EEPD1: variants seen among roughly 807,000 people sequenced by gnomAD.
EEPD1 encodes the protein endonuclease/exonuclease/phosphatase family domain containing 1, also known as endonuclease/exonuclease/phosphatase family domain-containing protein 1.
In EEPD1, 17 loss-of-function variants were observed where a neutral mutation model predicts 46.3. The observed-to-expected ratio is 0.37, with a 90% CI of 0.25 to 0.55. EEPD1 has a LOEUF of 0.55. EEPD1 is among the 20% of genes least tolerant of loss of function. The pLI is 0.83. For missense variants in EEPD1, 673 were observed against 745.6 expected, an observed-to-expected ratio of 0.90 and a Z score of 1.13; for synonymous variants, 313 against 315.6, an observed-to-expected ratio of 0.99 and a Z score of 0.09.
chr7:36,229,328 G>A (rs1786279542), intron 2 of EEPD1: 2 of 152,192 alleles, frequency 1.3e-5, no homozygotes, highest in African/African-American at 2.4e-5. Flanking sequence ...TGCAAATGGT[G>A]ATTATACTCT....
chr7:36,163,607 C>T (rs914157081), intron 2 of EEPD1, among the ~76,000 whole-genome samples: 4 of 152,112 alleles, frequency 2.6e-5, no homozygotes, highest in Admixed American at 6.5e-5. Context: ...AGGCTGGGCG[C>T]GGTGGCTCAT....
chr7:36,157,632 A>T (rs1428148886), intron 2 of EEPD1, among the ~76,000 whole-genome samples: 1 of 152,000 alleles, frequency 6.6e-6, no homozygotes, highest in African/African-American at 2.4e-5. Flanking sequence ...TCACATTCTC[A>T]CTCTTGGCCA....
Position 36,297,136 on chromosome 7 carries a change from A to G in EEPD1, c.1459A>G (p.Lys487Glu). ...CAGCACCAAGAACCCTCAAGGCTCG[A>G]AGTCTCTGGACAACATCTGGATCAG... ...NISTKNPQGSKSLDNIWISKS... is the reference protein window; with the variant it reads ...NISTKNPQGSESLDNIWISKS... The change falls in exon 7 of 8, where the codon AAG becomes GAG. Residue 487 changes from lysine to glutamate, a missense_variant. Lys to Glu is a moderately conservative substitution (Grantham distance 56). Transcript: ENST00000242108. The G allele has an allele frequency of 6.2e-7, 1 of 1,614,222 alleles. No homozygotes were observed. Among genetic ancestry groups the G allele is most frequent in the East Asian group, 2.2e-5 (1 of 44,882 alleles).
chr7:36,298,062 T>C (rs1180977850), intron 7 of EEPD1, among the ~76,000 whole-genome samples: 1 of 152,148 alleles, frequency 6.6e-6, no homozygotes, highest in Admixed American at 6.6e-5. Flanking sequence ...GCTTCTCCCC[T>C]CTCTCTTGGG....
intron 2 of EEPD1, among the ~76,000 whole-genome samples, chr7:36,167,826 C>T (rs1785011668): frequency 6.6e-6 from 1 of 152,146 alleles, no homozygotes; most frequent in Non-Finnish European, 1.5e-5. Context: ...AGCGATTCTC[C>T]TGCCTCAGCC....
At chr7:36,155,570 TTTTG>T (rs1784813159) in intron 2 of EEPD1, among the ~76,000 whole-genome samples, 1 of 152,182 alleles carries the variant, frequency 6.6e-6, no homozygotes, top group Non-Finnish European at 1.5e-5. Flanking sequence ...GCTCATTGGA[TTTTG>T]TTTATTAATG....
intron 2 of EEPD1, among the ~76,000 whole-genome samples, chr7:36,196,557 G>A (rs1004713844): frequency 2.0e-5 from 3 of 152,224 alleles, no homozygotes; most frequent in Admixed American, 1.3e-4. Context: ...GATTGCAGGC[G>A]CGCGCCGCCA....
At chr7:36,184,761 C>T (rs953026032) in intron 2 of EEPD1, among the ~76,000 whole-genome samples, 1 of 152,022 alleles carries the variant, frequency 6.6e-6, no homozygotes, top group African/African-American at 2.4e-5. Flanking sequence ...GACAGGGTCT[C>T]GCTCTGTCAC....
At chr7:36,183,060 T>C (rs1785302358) in intron 2 of EEPD1, among the ~76,000 whole-genome samples, 2 of 152,172 alleles carry the variant, frequency 1.3e-5, no homozygotes, top group African/African-American at 4.8e-5. Context: ...TCAGGCAGGC[T>C]TCAGAGTGGA....
At chr7:36,172,990 A>G (rs1344650844) in intron 2 of EEPD1, among the ~76,000 whole-genome samples, 2 of 152,072 alleles carry the variant, frequency 1.3e-5, no homozygotes, top group Non-Finnish European at 2.9e-5. Flanking sequence ...TAGTATAGAA[A>G]CAGAATTGGA....
intron 4 of EEPD1, among the ~76,000 whole-genome samples, chr7:36,281,670 A>G (rs1309368824): frequency 6.6e-6 from 1 of 152,236 alleles, no homozygotes; most frequent in African/African-American, 2.4e-5. Flanking sequence ...TGAAATGTTC[A>G]GCAGATTTTG....
rs1386038442 is a variant in EEPD1 at position 36,284,754 on chromosome 7, G to A, written c.1110G>A (p.Gln370=). 6.2e-7 allele frequency: 1 copy of A among 1,604,696 alleles called. No individual in the cohort carries two copies. Among genetic ancestry groups the A allele is most frequent in the South Asian group, 1.1e-5 (1 of 90,560 alleles). Residue 370 remains glutamine (Q), a synonymous_variant, in exon 5 of 8, where the codon CAG becomes CAA. Transcript: ENST00000242108. ...TGGAGCTGAGAGACGCGGGTTCACA[G>A]GAGAGCTCGCCAAGCAACGGGCACG... ...AGMELRDAGS[Q]ESSPSNGHGK...
intron 2 of EEPD1, among the ~76,000 whole-genome samples, chr7:36,236,117 G>A (rs1339639809): frequency 2.0e-5 from 3 of 152,248 alleles, no homozygotes; most frequent in Non-Finnish European, 1.5e-5. Flanking sequence ...GTAGAGATGA[G>A]GTCTTGTTGA....
chr7:36,275,825 G>A (rs1787174522), intron 3 of EEPD1, among the ~76,000 whole-genome samples: 2 of 152,136 alleles, frequency 1.3e-5, no homozygotes, highest in Admixed American at 1.3e-4. Flanking sequence ...TTCAGAAAGA[G>A]GGAGGAGCCA....
chr7:36,281,900 C>T (rs196587), intron 4 of EEPD1, among the ~76,000 whole-genome samples: 18,773 of 152,130 alleles, frequency 0.12, 1,584 homozygotes, highest in Non-Finnish European at 0.18. Context: ...ATTTTTAAAT[C>T]CCTAGTATAC....
intron 2 of EEPD1, among the ~76,000 whole-genome samples, chr7:36,191,190 A>G (rs1785454487): frequency 1.3e-5 from 2 of 152,220 alleles, no homozygotes; most frequent in South Asian, 4.1e-4. Flanking sequence ...AAGCATTGTT[A>G]TCTTGGATGA....
At chr7:36,230,822 A>G (rs888301516) in intron 2 of EEPD1, 2 of 152,218 alleles carry the variant, frequency 1.3e-5, no homozygotes, top group African/African-American at 4.8e-5. Context: ...CCTCGTGCAT[A>G]CTGCATAACC....
chr7:36,278,179 A>G lies in EEPD1; in HGVS notation c.931-2936A>G, dbSNP rs539906010. ...CTGGTGCTCACACTGTGACCAGCTC[A>G]AAAGACCACCAGCCACGAGCATGGG... On this transcript the variant is annotated intron_variant, in intron 3 of 7. Transcript: ENST00000242108. 2.6e-4 allele frequency among the ~76,000 whole-genome samples: 39 copies of G among 152,226 alleles called. No individual in the cohort carries two copies. In the South Asian group the frequency reaches 6.4e-3, roughly 25 times the overall value.
intron 2 of EEPD1, among the ~76,000 whole-genome samples, chr7:36,186,142 C>G (rs1359475411): frequency 6.6e-6 from 1 of 152,138 alleles, no homozygotes; most frequent in Non-Finnish European, 1.5e-5. Context: ...ATCCAGAAGC[C>G]AAATGGGCAG....
Sources: allele counts gnomAD v4.1 joint callset (sites outside exome capture counted in the v4.1 genomes callset), GRCh38; gene constraint gnomAD v4.1.1; transcripts MANE v1.5; gene names NCBI Gene and HGNC (gene_info 2026-07-23, HGNC 2026-07-21).